MAGI2: variants seen among roughly 807,000 people sequenced by gnomAD.
MAGI2 encodes membrane associated guanylate kinase, WW and PDZ domain containing 2.
A neutral mutation model predicts 133.3 loss-of-function variants in MAGI2; 35 were observed. That is an observed-to-expected ratio of 0.26 (90% CI 0.20 to 0.35). The LOEUF is 0.35. Among genes scored for constraint, MAGI2 ranks in the 10% least tolerant of loss-of-function variants. MAGI2 has a pLI of 1.00. For missense variants in MAGI2, 1,636 were observed against 1,863.4 expected, an observed-to-expected ratio of 0.88 and a Z score of 2.25; for synonymous variants, 729 against 710.6, an observed-to-expected ratio of 1.03 and a Z score of -0.41.
chr7:78,964,550 T>G (rs927849157), intron 2 of MAGI2, among the ~76,000 whole-genome samples: 1 of 152,152 alleles, frequency 6.6e-6, no homozygotes, highest in South Asian at 2.1e-4. Flanking sequence ...TTTGAAAGAA[T>G]TTTTGAGAGA....
intron 2 of MAGI2, among the ~76,000 whole-genome samples, chr7:78,953,921 A>T (rs1387634489): frequency 6.6e-6 from 1 of 152,114 alleles, no homozygotes; most frequent in East Asian, 1.9e-4. Context: ...TGATGACTTA[A>T]ATGTTTGAGG....
At chr7:78,321,973 A>G (rs1247240552) in intron 9 of MAGI2, among the ~76,000 whole-genome samples, 1 of 152,196 alleles carries the variant, frequency 6.6e-6, no homozygotes, top group African/African-American at 2.4e-5. Context: ...AACACTTCTC[A>G]AAAGAAGATA....
chr7:78,622,625 A>C (rs769842540), intron 3 of MAGI2, among the ~76,000 whole-genome samples: 21 of 151,988 alleles, frequency 1.4e-4, no homozygotes, highest in Non-Finnish European at 2.5e-4. Context: ...AACTCCCAAA[A>C]AACACATTAA....
rs147567944 is a variant in MAGI2 at position 78,431,074 on chromosome 7, C to CTGTGTGTGTG, written c.1045+58677_1045+58686dup. On this transcript the variant is annotated intron_variant, in intron 6 of 21. Coordinates refer to ENST00000354212, the MANE Select transcript of MAGI2 (RefSeq NM_012301.4). The stretch of plus-strand genomic sequence containing the variant: ...TGCCTGTTGGAATCAGTGAGGTAGG[C>CTGTGTGTGTG]TGTGTGTGTGTGTGTGTGTGTGTGT... Among the ~76,000 whole-genome samples, 399 of 146,508 alleles carry CTGTGTGTGTG rather than the reference C, an allele frequency of 2.7e-3. 1 individual carries two copies. Among genetic ancestry groups the CTGTGTGTGTG allele is most frequent in the African/African-American group, 9.3e-3 (372 of 39,992 alleles).
intron 6 of MAGI2, among the ~76,000 whole-genome samples, chr7:78,451,920 C>T (rs571341642): frequency 3.9e-5 from 6 of 152,176 alleles, no homozygotes; most frequent in Middle Eastern, 3.4e-3. Flanking sequence ...GGGATATGTG[C>T]TTGAGGCATT....
chr7:79,207,105 C>G (rs1829122247), intron 1 of MAGI2, among the ~76,000 whole-genome samples: 1 of 151,912 alleles, frequency 6.6e-6, no homozygotes, highest in Admixed American at 6.6e-5. Context: ...AAACTCACAG[C>G]TAACAAATTA....
chr7:79,299,147 A>C (rs1008025175), intron 1 of MAGI2, among the ~76,000 whole-genome samples: 2 of 152,130 alleles, frequency 1.3e-5, no homozygotes, highest in East Asian at 3.9e-4. Flanking sequence ...GCATGCTCAG[A>C]ATTGTGAGCA....
intron 1 of MAGI2, among the ~76,000 whole-genome samples, chr7:79,209,116 G>GAT (rs1467456580): frequency 6.6e-6 from 1 of 151,910 alleles, no homozygotes; most frequent in Non-Finnish European, 1.5e-5. Flanking sequence ...ACAACATGGT[G>GAT]ATTGTATTCA....
chr7:78,311,957 G>C (rs779845585), intron 9 of MAGI2, among the ~76,000 whole-genome samples: 33 of 152,024 alleles, frequency 2.2e-4, no homozygotes, highest in Non-Finnish European at 4.6e-4. Flanking sequence ...TTTTAGTAGA[G>C]ACGGGGTTTC....
At chr7:78,254,335 G>A (rs1792742675) in intron 10 of MAGI2, 1 of 152,230 alleles carries the variant, frequency 6.6e-6, no homozygotes, top group South Asian at 2.1e-4. Context: ...ATACTGCACA[G>A]TGAGTTTGTG....
At chr7:78,977,447 C>G (rs1804363277) in intron 2 of MAGI2, among the ~76,000 whole-genome samples, 1 of 137,872 alleles carries the variant, frequency 7.3e-6, no homozygotes, top group Non-Finnish European at 1.6e-5. Flanking sequence ...TAAGCAAAGA[C>G]CTTACAATTT....
At chr7:78,264,398 T>C (rs902931389) in intron 9 of MAGI2, among the ~76,000 whole-genome samples, 6 of 152,160 alleles carry the variant, frequency 3.9e-5, no homozygotes, top group African/African-American at 1.4e-4. Context: ...TTATTATCGG[T>C]CAGAATGCTG....
intron 2 of MAGI2, among the ~76,000 whole-genome samples, chr7:78,909,774 C>A (rs1445862882): frequency 6.6e-6 from 1 of 152,096 alleles, no homozygotes; most frequent in East Asian, 1.9e-4. Context: ...ACCGAGTAAT[C>A]CCATTACTGG....
intron 1 of MAGI2, among the ~76,000 whole-genome samples, chr7:79,294,858 T>C (rs13221173): frequency 0.44 from 65,197 of 149,466 alleles, 16,342 homozygotes; most frequent in African/African-American, 0.69. Flanking sequence ...GCCTTCTGAG[T>C]AGCTGGGACT....
intron 2 of MAGI2, among the ~76,000 whole-genome samples, chr7:78,841,367 C>T (rs1179962574): frequency 6.6e-6 from 1 of 152,052 alleles, no homozygotes; most frequent in Non-Finnish European, 1.5e-5. Context: ...GGAACTTCCT[C>T]GCAATCTCAG....
intron 1 of MAGI2, among the ~76,000 whole-genome samples, chr7:79,337,108 A>G (rs1048238220): frequency 6.6e-6 from 1 of 152,162 alleles, no homozygotes; most frequent in Admixed American, 6.6e-5. Context: ...AACCTGAGAT[A>G]TACATAACAT....
chr7:78,923,918 T>A (rs534343305), intron 2 of MAGI2, among the ~76,000 whole-genome samples: 3 of 152,312 alleles, frequency 2.0e-5, no homozygotes, highest in African/African-American at 7.2e-5. Flanking sequence ...ACGTCCCTTG[T>A]AAGTTGGGTT....
chr7:79,399,800 G>A (rs1845342911), intron 1 of MAGI2, among the ~76,000 whole-genome samples: 1 of 152,148 alleles, frequency 6.6e-6, no homozygotes, highest in South Asian at 2.1e-4. Flanking sequence ...CAAATATTAA[G>A]CACTTGCCTT....
intron 1 of MAGI2, among the ~76,000 whole-genome samples, chr7:79,190,961 A>G (rs986865573): frequency 1.3e-5 from 2 of 151,832 alleles, no homozygotes; most frequent in Non-Finnish European, 2.9e-5. Context: ...GAAAATACCA[A>G]CGTAATCATA....
Sources: allele counts gnomAD v4.1 joint callset (sites outside exome capture counted in the v4.1 genomes callset), GRCh38; gene constraint gnomAD v4.1.1; transcripts MANE v1.5; gene names NCBI Gene and HGNC (gene_info 2026-07-23, HGNC 2026-07-21).